Variants in TRAPPC9 observed in about 807,000 individuals in gnomAD.
TRAPPC9 encodes the protein IKK2 binding protein.
A neutral mutation model predicts 124.0 loss-of-function variants in TRAPPC9; 83 were observed. The observed-to-expected ratio is 0.67, with a 90% CI of 0.56 to 0.80. The LOEUF is 0.80. TRAPPC9 is among the 30% of genes least tolerant of loss of function. The pLI, the probability that TRAPPC9 is intolerant of heterozygous loss-of-function variation, is 0.00. For synonymous variants in TRAPPC9, 638 were observed against 617.5 expected (o/e 1.03, Z -0.49); for missense variants, 1,302 against 1,508.3 (o/e 0.86, Z 2.27).
intron 17 of TRAPPC9, among the ~76,000 whole-genome samples, chr8:140,056,211 C>G (rs1411163728): frequency 1.3e-5 from 2 of 151,706 alleles, no homozygotes; most frequent in Admixed American, 1.3e-4. Flanking sequence ...GAGTTTGAGA[C>G]CAGCATGGGC....
intron 17 of TRAPPC9, among the ~76,000 whole-genome samples, chr8:140,075,013 T>A (rs866112086): frequency 7.2e-5 from 11 of 152,230 alleles, no homozygotes; most frequent in Middle Eastern, 3.4e-3. Context: ...AATGTCAGCC[T>A]TCATGTTAGA....
intron 7 of TRAPPC9, among the ~76,000 whole-genome samples, chr8:140,387,729 G>A (rs910481251): frequency 1.3e-5 from 2 of 152,110 alleles, no homozygotes; most frequent in African/African-American, 4.8e-5. Flanking sequence ...GAAACAACAG[G>A]TGCTGGAGAG....
chr8:140,215,153 A>C (rs2063160652), intron 17 of TRAPPC9, among the ~76,000 whole-genome samples: 1 of 152,146 alleles, frequency 6.6e-6, no homozygotes, highest in Non-Finnish European at 1.5e-5. Context: ...GCATGATTGC[A>C]CAGGTTTGAA....
At chr8:140,190,625 G>C (rs962488079) in intron 17 of TRAPPC9, among the ~76,000 whole-genome samples, 10 of 152,190 alleles carry the variant, frequency 6.6e-5, no homozygotes, top group African/African-American at 2.4e-4. Context: ...AGAAAAGGTG[G>C]TCATTGTGTT....
At position 140,087,754 on chromosome 8, in the gene TRAPPC9, A is replaced by G. The variant is rs1362254698; in HGVS notation, c.2557-63675T>C. ...TCTACTCGTCCACGTTTCCCTCTCC[A>G]CCCTGCAATCCATCTCCAACCAGCA... On this transcript the variant is annotated intron_variant, in intron 17 of 22. Coordinates refer to ENST00000438773, the MANE Select transcript of TRAPPC9 (RefSeq NM_001160372.4). This position sits in a 1 kb window ranked among gnomAD's most constrained non-coding sequence, Gnocchi z 4.6. Among the ~76,000 whole-genome samples, 1 of 151,308 alleles carries G rather than the reference A, an allele frequency of 6.6e-6. No individual in the cohort carries two copies. Among genetic ancestry groups the G allele is most frequent in the East Asian group, 1.9e-4 (1 of 5,150 alleles).
intron 16 of TRAPPC9, among the ~76,000 whole-genome samples, chr8:140,249,338 C>G (rs4736155): frequency 6.6e-6 from 1 of 151,950 alleles, no homozygotes; most frequent in Non-Finnish European, 1.5e-5. Context: ...GATGCATCCA[C>G]GTTGCTGCAA....
chr8:140,047,965 C>T (rs1415502846), intron 17 of TRAPPC9, among the ~76,000 whole-genome samples: 3 of 152,170 alleles, frequency 2.0e-5, no homozygotes, highest in Admixed American at 6.5e-5. Flanking sequence ...TAGCCACAGG[C>T]CCCAGCCAGA....
intron 11 of TRAPPC9, among the ~76,000 whole-genome samples, chr8:140,291,452 T>A (rs1437446925): frequency 6.6e-6 from 1 of 151,992 alleles, no homozygotes; most frequent in Non-Finnish European, 1.5e-5. Flanking sequence ...TAACACGGAG[T>A]GTGATTTGCC....
intron 19 of TRAPPC9, among the ~76,000 whole-genome samples, chr8:139,912,535 T>C (rs914587628): frequency 2.0e-5 from 3 of 152,332 alleles, no homozygotes; most frequent in South Asian, 2.1e-4. Context: ...GAGCCACTCA[T>C]TGGAGGGTGT....
At chr8:139,746,372 G>T (rs141466850) in intron 21 of TRAPPC9, among the ~76,000 whole-genome samples, 46 of 152,328 alleles carry the variant, frequency 3.0e-4, no homozygotes, top group African/African-American at 1.1e-3. Flanking sequence ...AACCTGGACC[G>T]TAAACACATC....
chr8:139,922,375 G>T (rs769610025), intron 19 of TRAPPC9, among the ~76,000 whole-genome samples: 1 of 152,196 alleles, frequency 6.6e-6, no homozygotes. Flanking sequence ...GTAGAGATGC[G>T]GTTTCACCAT....
chr8:140,179,994 T>G (rs1441330553), intron 17 of TRAPPC9, among the ~76,000 whole-genome samples: 2 of 14,184 alleles, frequency 1.4e-4, no homozygotes, highest in Non-Finnish European at 2.9e-4. Context: ...TATATCTTGA[T>G]TTTTTTTTTT....
In TRAPPC9 at chr8:140,353,419, A is replaced by G. The variant is rs1169436064; in HGVS notation, c.1495+6631T>C. Among the ~76,000 whole-genome samples the G allele has an allele frequency of 6.6e-6, 1 of 151,772 alleles. No homozygotes were observed. Among genetic ancestry groups the G allele is most frequent in the Admixed American group, 6.6e-5 (1 of 15,230 alleles). On this transcript the variant is annotated intron_variant, in intron 9 of 22. Transcript: ENST00000438773. This position sits in a 1 kb window ranked among gnomAD's most constrained non-coding sequence, Gnocchi z 4.2. ...TCTTTTCGTAAGTATTGATAACCGCACTTCACTCACAGTAGCAGAGCCTAC... is the reference window on the plus strand; with the variant it reads ...TCTTTTCGTAAGTATTGATAACCGCGCTTCACTCACAGTAGCAGAGCCTAC...
chr8:140,044,852 C>T (rs1841487928), intron 17 of TRAPPC9, among the ~76,000 whole-genome samples: 1 of 152,202 alleles, frequency 6.6e-6, no homozygotes, highest in African/African-American at 2.4e-5. Context: ...ATTACCCTCA[C>T]CTAAGATGCA....
intron 16 of TRAPPC9, among the ~76,000 whole-genome samples, chr8:140,224,785 T>C (rs113266457): frequency 3.3e-5 from 5 of 152,178 alleles, no homozygotes; most frequent in African/African-American, 1.2e-4. Context: ...ACCTCTTCCA[T>C]AATGCCTCCC....
intron 17 of TRAPPC9, among the ~76,000 whole-genome samples, chr8:140,059,493 G>A (rs934597932): frequency 3.3e-5 from 5 of 152,140 alleles, no homozygotes; most frequent in African/African-American, 1.2e-4. Flanking sequence ...CATTGTACAG[G>A]AGCTATATGT....
At chr8:140,313,695 G>C (rs904519072) in intron 9 of TRAPPC9, among the ~76,000 whole-genome samples, 2 of 152,130 alleles carry the variant, frequency 1.3e-5, no homozygotes, top group African/African-American at 4.8e-5. Context: ...CTGACTCCCT[G>C]AAGGGAGTCA....
chr8:139,996,113 A>G (rs59953241), intron 18 of TRAPPC9, among the ~76,000 whole-genome samples: 9,689 of 134,562 alleles, frequency 0.072, 605 homozygotes, highest in African/African-American at 0.16. Context: ...AAGACGGAAA[A>G]TCTCAGCGAA....
At chr8:139,804,498 A>G (rs1823865057) in intron 21 of TRAPPC9, among the ~76,000 whole-genome samples, 1 of 104,448 alleles carries the variant, frequency 9.6e-6, no homozygotes, top group East Asian at 3.3e-4. Flanking sequence ...CACCACACAC[A>G]CAACCACTAC....
Sources: gnomAD v4.1 joint callset for allele counts (sites outside exome capture counted in the v4.1 genomes callset) on GRCh38, gnomAD v4.1.1 for gene constraint, Gnocchi (gnomAD v3.1) non-coding constraint, MANE v1.5 for transcripts, NCBI Gene and HGNC (gene_info 2026-07-23, HGNC 2026-07-21) for gene names.